PDZD2: variants seen among roughly 807,000 people sequenced by gnomAD.
The protein encoded by PDZD2 is PDZ domain containing 2, also known as PDZ domain-containing protein 2.
A neutral mutation model predicts 220.7 loss-of-function variants in PDZD2; 90 were observed. That is an observed-to-expected ratio of 0.41 (90% CI 0.34 to 0.49). The LOEUF is 0.49. PDZD2 is among the 20% of genes least tolerant of loss of function. The probability of loss-of-function intolerance (pLI) is 0.28; values close to 1 mark genes in which losing one functional copy is unlikely to be tolerated. For synonymous variants in PDZD2, 1,375 were observed against 1,450.5 expected, an observed-to-expected ratio of 0.95 and a Z score of 1.18; for missense variants, 3,174 against 3,608.5, an observed-to-expected ratio of 0.88 and a Z score of 3.08.
intron 1 of PDZD2, among the ~76,000 whole-genome samples, chr5:31,650,720 G>T (rs536006175): frequency 6.6e-6 from 1 of 152,294 alleles, no homozygotes; most frequent in South Asian, 2.1e-4. Flanking sequence ...AGATGACCAG[G>T]TTGAGTCCTT....
intron 2 of PDZD2, among the ~76,000 whole-genome samples, chr5:31,912,523 C>A (rs1173374110): frequency 1.3e-5 from 2 of 152,190 alleles, no homozygotes; most frequent in Non-Finnish European, 2.9e-5. Flanking sequence ...GTGCCTCATT[C>A]TCTAGTGCTT....
chr5:31,879,339 A>G (rs937442181), intron 2 of PDZD2, among the ~76,000 whole-genome samples: 2 of 150,230 alleles, frequency 1.3e-5, no homozygotes, highest in Non-Finnish European at 3.0e-5. Context: ...GTGAGCATAG[A>G]TCGTGCCATT....
chr5:31,866,084 C>T (rs563895796), intron 2 of PDZD2, among the ~76,000 whole-genome samples: 1 of 152,156 alleles, frequency 6.6e-6, no homozygotes, highest in East Asian at 1.9e-4. Flanking sequence ...TCACTGCAAC[C>T]TCCGCCTCTC....
intron 2 of PDZD2, among the ~76,000 whole-genome samples, chr5:31,969,531 A>AAAAAAAAAAAAAAAAAACAC: frequency 6.9e-6 from 1 of 145,542 alleles, no homozygotes; most frequent in Non-Finnish European, 1.5e-5. Context: ...AAAAAAAAAA[A>AAAAAAAAAAAAAAAAAACAC]AAAACAATGG....
intron 2 of PDZD2, among the ~76,000 whole-genome samples, chr5:31,900,934 A>G (rs1433204332): frequency 6.6e-6 from 1 of 152,182 alleles, no homozygotes; most frequent in Admixed American, 6.5e-5. Flanking sequence ...TGAGTTTCCT[A>G]AATCTTCCCG....
chr5:31,742,613 C>T (rs1334781737), intron 1 of PDZD2, among the ~76,000 whole-genome samples: 1 of 141,204 alleles, frequency 7.1e-6, no homozygotes, highest in African/African-American at 2.6e-5. Flanking sequence ...GCTGTGGATT[C>T]AGAGCTTCCT....
chr5:31,700,033 A>G (rs1747548928), intron 1 of PDZD2, among the ~76,000 whole-genome samples: 1 of 152,146 alleles, frequency 6.6e-6, no homozygotes, highest in Non-Finnish European at 1.5e-5. Flanking sequence ...CTTTGGCTTC[A>G]AGAGTGGAAG....
intron 1 of PDZD2, among the ~76,000 whole-genome samples, chr5:31,722,650 A>G (rs1040271217): frequency 1.3e-5 from 2 of 152,064 alleles, no homozygotes; most frequent in Admixed American, 6.6e-5. Context: ...CCTCTTTGCT[A>G]GAACTGCAAA....
intron 2 of PDZD2, among the ~76,000 whole-genome samples, chr5:31,978,022 T>G (rs1292333440): frequency 3.3e-5 from 5 of 152,140 alleles, no homozygotes; most frequent in Non-Finnish European, 7.4e-5. Flanking sequence ...AGGCTAAAAC[T>G]CAGAACCGCA....
intron 1 of PDZD2, among the ~76,000 whole-genome samples, chr5:31,760,155 C>A (rs1751544629): frequency 6.6e-6 from 1 of 151,994 alleles, no homozygotes; most frequent in Non-Finnish European, 1.5e-5. Context: ...GTGGCCATTG[C>A]GTTGATGGCT....
At chr5:31,838,315 C>T (rs1489406189) in intron 2 of PDZD2, among the ~76,000 whole-genome samples, 1 of 152,198 alleles carries the variant, frequency 6.6e-6, no homozygotes, top group East Asian at 1.9e-4. Context: ...GCCTCAGCCT[C>T]CCAAAGTGCT....
intron 2 of PDZD2, among the ~76,000 whole-genome samples, chr5:31,810,000 A>C (rs1754993648): frequency 6.6e-6 from 1 of 152,184 alleles, no homozygotes; most frequent in Admixed American, 6.5e-5. Context: ...ACTCGCTTTT[A>C]AACTCTTAGC....
chr5:31,888,288 G>A (rs1246459223), intron 2 of PDZD2, among the ~76,000 whole-genome samples: 1 of 151,948 alleles, frequency 6.6e-6, no homozygotes, highest in Non-Finnish European at 1.5e-5. Context: ...CGCCTACTGG[G>A]TTCAAGTAAT....
chr5:31,850,345 G>A (rs1157767342), intron 2 of PDZD2, among the ~76,000 whole-genome samples: 2 of 135,068 alleles, frequency 1.5e-5, no homozygotes. Context: ...ACAAAGGTCC[G>A]ATGTTTTGAG....
At chr5:32,012,476 C>T (rs989709920) in intron 6 of PDZD2, among the ~76,000 whole-genome samples, 4 of 152,050 alleles carry the variant, frequency 2.6e-5, no homozygotes, top group African/African-American at 9.7e-5. Flanking sequence ...CTCTGTCTCC[C>T]GGGTTCTAGC....
intron 1 of PDZD2, among the ~76,000 whole-genome samples, chr5:31,661,894 C>A (rs1272950827): frequency 6.7e-6 from 1 of 149,562 alleles, no homozygotes; most frequent in Non-Finnish European, 1.5e-5. Flanking sequence ...AGTGAAAAGA[C>A]TCCTGGGTGG....
rs757680083 is a variant in PDZD2, at chr5:32,098,149, T to C, written c.7948-215T>C. On this transcript the variant is annotated intron_variant, in intron 22 of 24. Transcript: ENST00000438447. The surrounding 1 kb of genome is among the most constrained non-coding windows in gnomAD (Gnocchi z 4.1). ...GGTGTGTGCCTATAATCCCAGCTAC[T>C]CAGGAGGCTGAGGCAGGAGAATCGC... 6.6e-6 allele frequency among the ~76,000 whole-genome samples: 1 copy of C among 151,980 alleles called. No individual in the cohort carries two copies. Among genetic ancestry groups the C allele is most frequent in the African/African-American group, 2.4e-5 (1 of 41,356 alleles).
chr5:32,002,883 C>A (rs1373485052), intron 5 of PDZD2, among the ~76,000 whole-genome samples: 15 of 24,036 alleles, frequency 6.2e-4, no homozygotes, highest in South Asian at 1.5e-3. Flanking sequence ...CACACACACA[C>A]CACACACACC....
intron 2 of PDZD2, among the ~76,000 whole-genome samples, chr5:31,853,051 T>G (rs1758151917): frequency 6.6e-6 from 1 of 152,286 alleles, no homozygotes; most frequent in East Asian, 1.9e-4. Context: ...TATTAGAAAA[T>G]TATTCAATTT....
Sources: allele counts gnomAD v4.1 joint callset (sites outside exome capture counted in the v4.1 genomes callset), GRCh38; gene constraint gnomAD v4.1.1; non-coding constraint Gnocchi (gnomAD v3.1); transcripts MANE v1.5; gene names NCBI Gene and HGNC (gene_info 2026-07-23, HGNC 2026-07-21).